COBL: variants seen among roughly 807,000 people sequenced by gnomAD.
COBL encodes the protein protein cordon-bleu.
COBL carries 51 observed loss-of-function variants against 98.8 expected under a neutral mutation model. The observed-to-expected ratio is 0.52, with a 90% CI of 0.41 to 0.65. The LOEUF (loss-of-function observed/expected upper bound fraction) is 0.65, where lower values mean the gene tolerates loss of function less well. COBL is among the 30% of genes least tolerant of loss of function. The pLI is 0.00. For synonymous variants in COBL, 634 were observed against 651.7 expected, an observed-to-expected ratio of 0.97 and a Z score of 0.41; for missense variants, 1,617 against 1,617.5, an observed-to-expected ratio of 1.00 and a Z score of 0.01.
intron 1 of COBL, among the ~76,000 whole-genome samples, chr7:51,224,708 G>A (rs1305975744): frequency 6.6e-6 from 1 of 150,990 alleles, no homozygotes; most frequent in Admixed American, 6.6e-5. Context: ...TGAGATGGAC[G>A]GCAATGGCGC....
At chr7:51,062,456 G>C (rs992559896) in intron 7 of COBL, among the ~76,000 whole-genome samples, 1 of 152,106 alleles carries the variant, frequency 6.6e-6, no homozygotes, top group Non-Finnish European at 1.5e-5. Flanking sequence ...GTGTCCCGGC[G>C]CTCGGCTGGC....
chr7:51,176,233 T>C (rs1584060588), intron 5 of COBL, among the ~76,000 whole-genome samples: 1 of 152,126 alleles, frequency 6.6e-6, no homozygotes, highest in East Asian at 1.9e-4. Context: ...GGTGAGTCAC[T>C]TGGAAAGGTA....
Position 51,028,570 on chromosome 7 carries a change from ACCCATG to A in COBL, c.2520_2525del (p.Met841_Gly842del). On this transcript the variant is annotated inframe_deletion, in exon 10 of 13. Transcript: ENST00000265136. ...TGTGAGCTGCTGGCACCCTCACGTG[ACCCATG>A]CCCATGGTGGGGGGCTGGTTTCTCC... 1 of 1,614,166 alleles carries A rather than the reference ACCCATG, an allele frequency of 6.2e-7. No homozygotes were observed. Among genetic ancestry groups the A allele is most frequent in the African/African-American group, 1.3e-5 (1 of 75,036 alleles).
intron 5 of COBL, among the ~76,000 whole-genome samples, chr7:51,139,368 A>C (rs1320164808): frequency 6.6e-6 from 1 of 152,120 alleles, no homozygotes; most frequent in Admixed American, 6.5e-5. Flanking sequence ...AGAAGGCGGA[A>C]GTGCACCCCA....
intron 7 of COBL, among the ~76,000 whole-genome samples, chr7:51,077,614 C>T (rs1404695200): frequency 6.6e-6 from 1 of 152,230 alleles, no homozygotes; most frequent in East Asian, 1.9e-4. Context: ...ATTATGCTTT[C>T]TACAGCAGGA....
intron 1 of COBL, chr7:51,316,318 C>A: frequency 3.5e-6 from 1 of 288,082 alleles, no homozygotes; most frequent in Non-Finnish European, 6.4e-6. Context: ...CCCATAAGGA[C>A]GCCTGCATAC....
chr7:51,067,090 C>T (rs1046831036), intron 7 of COBL, among the ~76,000 whole-genome samples: 1 of 152,156 alleles, frequency 6.6e-6, no homozygotes, highest in African/African-American at 2.4e-5. Context: ...GACCGAAGCA[C>T]CAGGCTCAGA....
chr7:51,202,994 T>A (rs1791279002), intron 2 of COBL, among the ~76,000 whole-genome samples: 1 of 152,018 alleles, frequency 6.6e-6, no homozygotes, highest in South Asian at 2.1e-4. Flanking sequence ...TGATCCGCGA[T>A]CGCACCACTG....
chr7:51,149,270 C>T (rs1785333226), intron 5 of COBL, among the ~76,000 whole-genome samples: 1 of 152,180 alleles, frequency 6.6e-6, no homozygotes, highest in South Asian at 2.1e-4. Flanking sequence ...CATCACTTCT[C>T]CTGAAAGGAC....
chr7:51,265,721 C>T (rs1798141905), intron 1 of COBL, among the ~76,000 whole-genome samples: 1 of 152,190 alleles, frequency 6.6e-6, no homozygotes. Context: ...GCAGCCTGTG[C>T]CTGTTCCTCT....
At chr7:51,194,771 G>A (rs1334916389) in intron 2 of COBL, among the ~76,000 whole-genome samples, 1 of 152,012 alleles carries the variant, frequency 6.6e-6, no homozygotes, top group African/African-American at 2.4e-5. Flanking sequence ...TTTGAAAAGT[G>A]TCTGTTCATG....
intron 6 of COBL, among the ~76,000 whole-genome samples, chr7:51,129,077 A>G (rs1798496673): frequency 6.6e-6 from 1 of 152,250 alleles, no homozygotes; most frequent in South Asian, 2.1e-4. Flanking sequence ...CCTTGAGGAA[A>G]GCAATTCTTT....
chr7:51,271,264 G>A (rs1798733041), intron 1 of COBL, among the ~76,000 whole-genome samples: 1 of 152,218 alleles, frequency 6.6e-6, no homozygotes, highest in African/African-American at 2.4e-5. Flanking sequence ...AGGAAAGCTT[G>A]CAGGGCACAC....
At chr7:51,098,477 T>A (rs1595333) in intron 6 of COBL, among the ~76,000 whole-genome samples, 152,229 of 152,236 alleles carry the variant, frequency 1, 76,111 homozygotes, top group Non-Finnish European at 1. Context: ...GTATATAATC[T>A]AATGATCTTT....
chr7:51,309,785 A>G (rs1584468852), intron 1 of COBL, among the ~76,000 whole-genome samples: 2 of 152,228 alleles, frequency 1.3e-5, no homozygotes, highest in South Asian at 4.1e-4. Context: ...AAAAGCTTAC[A>G]AAGTAATAGT....
chr7:51,074,910 T>G (rs1465949908), intron 7 of COBL, among the ~76,000 whole-genome samples: 3 of 152,228 alleles, frequency 2.0e-5, no homozygotes, highest in Non-Finnish European at 4.4e-5. Flanking sequence ...CATAATACTA[T>G]TTTTTGTAAA....
intron 5 of COBL, 76 bp downstream of exon 5, chr7:51,184,026 A>T: frequency 1.4e-6 from 1 of 691,200 alleles, no homozygotes; most frequent in Non-Finnish European, 2.4e-6. Context: ...AAGTTCCAGG[A>T]CAGGTTGAAT....
At chr7:51,141,790 G>A (rs1799775235) in intron 5 of COBL, among the ~76,000 whole-genome samples, 1 of 152,128 alleles carries the variant, frequency 6.6e-6, no homozygotes, top group Non-Finnish European at 1.5e-5. Context: ...GGCACTCCCT[G>A]GGGTCTGTTG....
intron 5 of COBL, chr7:51,156,626 A>C: frequency 2.0e-6 from 2 of 977,958 alleles, no homozygotes; most frequent in Non-Finnish European, 2.4e-6. Flanking sequence ...AAATATTGAG[A>C]AATAGCTAGT....
Sources: allele counts gnomAD v4.1 joint callset (sites outside exome capture counted in the v4.1 genomes callset), GRCh38; gene constraint gnomAD v4.1.1; transcripts MANE v1.5; gene names NCBI Gene and HGNC (gene_info 2026-07-23, HGNC 2026-07-21).